The following GLTP variants were observed in gnomAD, a reference collection of about 807,000 sequenced individuals.
GLTP encodes glycolipid transfer protein.
A neutral mutation model predicts 24.0 loss-of-function variants in GLTP; 22 were observed. The observed-to-expected ratio is 0.92, with a 90% CI of 0.65 to 1.31. The LOEUF (loss-of-function observed/expected upper bound fraction) is 1.31. Ranked by LOEUF, GLTP falls within the 50% of genes most tolerant of loss-of-function variation. The pLI, the probability that GLTP is intolerant of heterozygous loss-of-function variation, is 0.00. For synonymous variants in GLTP, 92 were observed against 115.9 expected (o/e 0.79, Z 1.33); for missense variants, 224 against 276.6 (o/e 0.81, Z 1.35).
intron 1 of GLTP, among the ~76,000 whole-genome samples, chr12:109,878,480 A>AC (rs1254854788): frequency 6.6e-6 from 1 of 152,060 alleles, no homozygotes; most frequent in Non-Finnish European, 1.5e-5. Flanking sequence ...TGTCAGATGT[A>AC]CCCTAAGGGG....
intron 1 of GLTP, among the ~76,000 whole-genome samples, chr12:109,869,086 G>T (rs965340439): frequency 6.6e-6 from 1 of 152,038 alleles, no homozygotes; most frequent in African/African-American, 2.4e-5. Flanking sequence ...GATCACTTGA[G>T]GCCAGGAGTT....
chr12:109,854,927 C>G (rs879700517), intron 4 of GLTP, among the ~76,000 whole-genome samples: 10 of 152,242 alleles, frequency 6.6e-5, no homozygotes, highest in Non-Finnish European at 1.3e-4. Context: ...GCCCCTCGTT[C>G]TCATGGCCGC....
At chr12:109,875,081 T>C (rs1427396489) in intron 1 of GLTP, among the ~76,000 whole-genome samples, 1 of 152,020 alleles carries the variant, frequency 6.6e-6, no homozygotes, top group Non-Finnish European at 1.5e-5. Flanking sequence ...TATTTTAATT[T>C]GGAAAGAGAG....
At chr12:109,866,172 A>G (rs1427672580) in intron 1 of GLTP, 2 of 151,376 alleles carry the variant, frequency 1.3e-5, no homozygotes, top group African/African-American at 4.9e-5. Flanking sequence ...AATCTCAATA[A>G]TAACAAAAAA....
chr12:109,860,260 G>A (rs955927598), intron 1 of GLTP: 1 of 198,466 alleles, frequency 5.0e-6, no homozygotes, highest in Non-Finnish European at 1.1e-5. Flanking sequence ...TTACAGGCGT[G>A]AGCCACTGTG....
At chr12:109,854,543 GCCC>G (rs1475456248) in intron 4 of GLTP, among the ~76,000 whole-genome samples, 1 of 152,112 alleles carries the variant, frequency 6.6e-6, no homozygotes, top group Non-Finnish European at 1.5e-5. Flanking sequence ...TAGGATCACA[GCCC>G]CCCATTTCTG....
intron 1 of GLTP, among the ~76,000 whole-genome samples, chr12:109,867,027 C>A (rs1410074321): frequency 6.6e-6 from 1 of 151,524 alleles, no homozygotes; most frequent in African/African-American, 2.4e-5. Flanking sequence ...ATCCTCTAGC[C>A]TCGGCCTCCC....
rs200263071 is a variant in GLTP, at chr12:109,855,605, T to C, written c.447+14A>G. The C allele has an allele frequency of 1.4e-4, 219 of 1,532,458 alleles. 2 individuals carry two copies. The highest frequency in any genetic ancestry group is 1.1e-4 in the African/African-American group (8 of 71,522). The allele number at this position is 1,532,458 out of a possible 1,614,324, so 94.9% of individuals were successfully genotyped here. A position where few individuals can be genotyped will look rare whatever the true frequency, so the allele number is the denominator to read the frequency against. ...CAAGCTGGTGGTCCTTTGGGGCTCA[T>C]GGGGGTGGCTCACCTGGAAGATCTT... is the stretch of plus-strand genomic sequence containing the variant. On this transcript the variant is annotated intron_variant, in intron 4 of 4. Coordinates refer to ENST00000318348, the MANE Select transcript of GLTP (RefSeq NM_016433.4). This position sits in a 1 kb window ranked among gnomAD's most constrained non-coding sequence, Gnocchi z 4.1.
chr12:109,861,852 T>A (rs1288218384), intron 1 of GLTP, among the ~76,000 whole-genome samples: 6 of 151,716 alleles, frequency 4.0e-5, no homozygotes. Flanking sequence ...ATTACTAGGG[T>A]CATGTGCTGT....
rs959771705 is a variant in GLTP, at chr12:109,857,525, C to T, written c.296+1G>A. Reference sequence around the variant, plus strand: ...CAGGCCCTGCCACCTGAGCCCATCACCTTTTCAGCCACATCAGCGCCAGTG... The same window carrying T: ...CAGGCCCTGCCACCTGAGCCCATCATCTTTTCAGCCACATCAGCGCCAGTG... On this transcript the variant is annotated splice_donor_variant, in intron 3 of 4. Transcript: ENST00000318348. LOFTEE classifies it high-confidence loss of function. This position sits in a 1 kb window ranked among gnomAD's most constrained non-coding sequence, Gnocchi z 4.3. The T allele has an allele frequency of 1.9e-6, 3 of 1,613,036 alleles. No individual in the cohort carries two copies. Among genetic ancestry groups the T allele is most frequent in the Non-Finnish European group, 2.5e-6 (3 of 1,180,024 alleles).
At chr12:109,863,453 T>C (rs574089685) in intron 1 of GLTP, among the ~76,000 whole-genome samples, 12 of 152,322 alleles carry the variant, frequency 7.9e-5, no homozygotes, top group Non-Finnish European at 1.8e-4. Flanking sequence ...ACCCAGCAGA[T>C]GCCTGACCCC....
At chr12:109,862,632 C>T (rs936270153) in intron 1 of GLTP, among the ~76,000 whole-genome samples, 2 of 152,170 alleles carry the variant, frequency 1.3e-5, no homozygotes, top group African/African-American at 4.8e-5. Flanking sequence ...TAACTGTAGT[C>T]CCAGCTACTC....
chr12:109,858,644 C>T (rs371042709), intron 2 of GLTP, 39 bp downstream of exon 2: 17 of 1,526,918 alleles, frequency 1.1e-5, no homozygotes, highest in South Asian at 5.6e-5. Context: ...AGATTCCTAA[C>T]GCAAGTCTTG....
In GLTP at chr12:109,858,729, G is replaced by A; in HGVS notation, c.116C>T (p.Ser39Phe). 18 of 1,610,466 alleles carry A rather than the reference G, an allele frequency of 1.1e-5. No individual in the cohort carries two copies. Among genetic ancestry groups the A allele is most frequent in the Non-Finnish European group, 1.5e-5 (18 of 1,176,718 alleles). ...TGCCTTGATGGGAGTAAACACTGGGGACCCAAGGCAATCTGGGGACAAAAT... is the reference window on the plus strand; with the variant it reads ...TGCCTTGATGGGAGTAAACACTGGGAACCCAAGGCAATCTGGGGACAAAAT... ...HLPPFFDCLG[S>F]PVFTPIKADI... Residue 39 changes from serine to phenylalanine, a missense_variant, in exon 2 of 5, where the codon TCC becomes TTC. Transcript: ENST00000318348.
intron 1 of GLTP, among the ~76,000 whole-genome samples, chr12:109,869,128 C>T (rs1291575166): frequency 2.0e-5 from 3 of 151,786 alleles, no homozygotes; most frequent in Non-Finnish European, 4.4e-5. Context: ...AGTGTGAACC[C>T]GTTTCTACTA....
intron 1 of GLTP, among the ~76,000 whole-genome samples, chr12:109,876,593 AGAGGAAGGGAAGAAGG>A (rs1425339588): frequency 2.9e-5 from 4 of 138,120 alleles, no homozygotes; most frequent in African/African-American, 1.0e-4. Context: ...AGGGAGGAAG[AGAGGAAGGGAAGAAGG>A]GAGGAAGGGA....
chr12:109,861,244 T>C lies in GLTP; in HGVS notation c.104-2503A>G, dbSNP rs1868359542. On this transcript the variant is annotated intron_variant, in intron 1 of 4. Transcript: ENST00000318348. ...TTCTAATTGCAGCTATGAAAAGAGG[T>C]GCATGAGAGAAACAGCATTAAACAT... Among the ~76,000 whole-genome samples the C allele has an allele frequency of 1.3e-5, 2 of 152,002 alleles. 1 individual carries two copies. The highest frequency in any genetic ancestry group is 1.3e-4 in the Admixed American group (2 of 15,250).
At position 109,857,712 on chromosome 12, in the gene GLTP, C is replaced by T; in HGVS notation, c.163-53G>A. On this transcript the variant is annotated intron_variant, in intron 2 of 4. Transcript: ENST00000318348. The surrounding 1 kb of genome is among the most constrained non-coding windows in gnomAD (Gnocchi z 4.3). ...TTGGGTAAGCTGCCCCCATAGACAT[C>T]TGGCCCGCACGCTGGGTGAAAAGCA... is the stretch of plus-strand genomic sequence containing the variant. 1 of 1,600,748 alleles carries T rather than the reference C, an allele frequency of 6.2e-7. No homozygotes were observed. Among genetic ancestry groups the T allele is most frequent in the Non-Finnish European group, 8.6e-7 (1 of 1,167,870 alleles).
At chr12:109,877,410 C>T (rs548044057) in intron 1 of GLTP, among the ~76,000 whole-genome samples, 2 of 152,246 alleles carry the variant, frequency 1.3e-5, no homozygotes, top group South Asian at 2.1e-4. Flanking sequence ...TTTAAAAACA[C>T]AGCTTTTGGC....
Sources: gnomAD v4.1 joint callset for allele counts (sites outside exome capture counted in the v4.1 genomes callset) on GRCh38, gnomAD v4.1.1 for gene constraint, Gnocchi (gnomAD v3.1) non-coding constraint, MANE v1.5 for transcripts, NCBI Gene and HGNC (gene_info 2026-07-23, HGNC 2026-07-21) for gene names.